Variants in CELF2 observed in about 807,000 individuals in gnomAD.
CELF2 encodes CUGBP Elav-like family member 2.
CELF2 carries 8 observed loss-of-function variants against 62.6 expected under a neutral mutation model. That is an observed-to-expected ratio of 0.13 (90% CI 0.07 to 0.23). CELF2 has a LOEUF of 0.23. Ranked by LOEUF, CELF2 falls within the 10% of genes least tolerant of loss-of-function variation. The pLI, the probability that CELF2 is intolerant of heterozygous loss-of-function variation, is 1.00. For missense variants in CELF2, 333 were observed against 671.0 expected, an observed-to-expected ratio of 0.50 and a Z score of 5.56; for synonymous variants, 258 against 250.0, an observed-to-expected ratio of 1.03 and a Z score of -0.30.
the CELF2 span, among the ~76,000 whole-genome samples, chr10:10,670,778 C>G: frequency 5.3e-5 from 8 of 152,200 alleles, no homozygotes; most frequent in African/African-American, 1.9e-4. Context: ...GACAACCACA[C>G]TAATCTTTTT....
chr10:10,628,504 A>C, the CELF2 span, among the ~76,000 whole-genome samples: 1 of 152,156 alleles, frequency 6.6e-6, no homozygotes. Flanking sequence ...AATCAATTCC[A>C]TGAAACATTA....
chr10:10,838,071 G>C (rs554789834), intron 1 of CELF2, among the ~76,000 whole-genome samples: 6 of 152,200 alleles, frequency 3.9e-5, no homozygotes, highest in African/African-American at 1.4e-4. Context: ...AGTACATTTA[G>C]TGTCACGTTT....
chr10:10,974,507 T>C (rs906394691), intron 2 of CELF2, among the ~76,000 whole-genome samples: 1 of 152,124 alleles, frequency 6.6e-6, no homozygotes, highest in African/African-American at 2.4e-5. Flanking sequence ...TCTTACATAA[T>C]AAAAAATCTA....
chr10:10,923,404 G>A (rs534525600), intron 2 of CELF2, among the ~76,000 whole-genome samples: 13 of 152,148 alleles, frequency 8.5e-5, no homozygotes, highest in African/African-American at 3.1e-4. Flanking sequence ...TATTTCCACC[G>A]TAATTACCTT....
the CELF2 span, among the ~76,000 whole-genome samples, chr10:10,655,509 G>T: frequency 8.0e-6 from 1 of 125,388 alleles, no homozygotes; most frequent in Admixed American, 8.2e-5. Context: ...GCATGGTACT[G>T]GTACCAAAAC....
intron 1 of CELF2, among the ~76,000 whole-genome samples, chr10:11,133,401 G>A (rs545812953): frequency 6.6e-5 from 10 of 152,274 alleles, no homozygotes; most frequent in South Asian, 6.2e-4. Context: ...AGCATATGCC[G>A]TGGGACCAAG....
At chr10:10,922,815 T>C (rs2065047916) in intron 2 of CELF2, 1 of 152,244 alleles carries the variant, frequency 6.6e-6, no homozygotes, top group Admixed American at 6.5e-5. Flanking sequence ...AGAAGTAATA[T>C]ATCAGTGATT....
At chr10:10,543,654 C>T in the CELF2 span, among the ~76,000 whole-genome samples, 1 of 152,066 alleles carries the variant, frequency 6.6e-6, no homozygotes, top group South Asian at 2.1e-4. Context: ...TGAGACCAGC[C>T]TGGGCAACAT....
chr10:10,624,174 C>T, the CELF2 span, among the ~76,000 whole-genome samples: 2,135 of 152,268 alleles, frequency 0.014, 23 homozygotes, highest in South Asian at 0.032. Context: ...CCGTGGCCTC[C>T]GCTTCATTCT....
the CELF2 span, among the ~76,000 whole-genome samples, chr10:10,774,934 A>G: frequency 6.6e-6 from 1 of 150,764 alleles, no homozygotes; most frequent in African/African-American, 2.4e-5. Flanking sequence ...GCTGGAGTGC[A>G]GTGGTGCAAT....
At chr10:10,501,079 A>G in the CELF2 span, among the ~76,000 whole-genome samples, 20 of 152,232 alleles carry the variant, frequency 1.3e-4, no homozygotes, top group African/African-American at 4.6e-4. Flanking sequence ...AGCTGCTATC[A>G]ACATTCCTGT....
chr10:10,825,533 A>G (rs563490150), intron 1 of CELF2, among the ~76,000 whole-genome samples: 2 of 152,330 alleles, frequency 1.3e-5, no homozygotes, highest in African/African-American at 4.8e-5. Flanking sequence ...TTAAGTGTCC[A>G]ATGGTGATAG....
At chr10:10,858,982 G>C (rs570603489) in intron 1 of CELF2, among the ~76,000 whole-genome samples, 1 of 152,234 alleles carries the variant, frequency 6.6e-6, no homozygotes, top group East Asian at 1.9e-4. Flanking sequence ...ATACCCACAA[G>C]TGGTTCAACA....
intron 1 of CELF2, among the ~76,000 whole-genome samples, chr10:10,839,624 G>A (rs183848526): frequency 6.6e-6 from 1 of 152,276 alleles, no homozygotes; most frequent in African/African-American, 2.4e-5. Context: ...TTCCTTCATA[G>A]CCTTTGGTGA....
chr10:11,008,466 G>T lies in CELF2; in HGVS notation c.53+3026G>T, dbSNP rs2055722835. ...TACATTTGCAAAAATCTCCTTTTGGGGCTGAAAAACGAAAGTGAGCATTTG... is the reference window on the plus strand; with the variant it reads ...TACATTTGCAAAAATCTCCTTTTGGTGCTGAAAAACGAAAGTGAGCATTTG... On this transcript the variant is annotated intron_variant, in intron 1 of 12. Transcript: ENST00000416382. The surrounding 1 kb of genome is among the most constrained non-coding windows in gnomAD (Gnocchi z 4.5). 6.6e-6 allele frequency among the ~76,000 whole-genome samples: 1 copy of T among 152,026 alleles called. No individual in the cohort carries two copies. Among genetic ancestry groups the T allele is most frequent in the Non-Finnish European group, 1.5e-5 (1 of 68,008 alleles).
At chr10:10,853,695 C>T (rs925875537) in intron 1 of CELF2, among the ~76,000 whole-genome samples, 1 of 151,900 alleles carries the variant, frequency 6.6e-6, no homozygotes, top group South Asian at 2.1e-4. Context: ...CTCCTGGCCA[C>T]ATGGAGATCT....
At chr10:11,225,183 GAATAAAC>G (rs1309250142) in intron 3 of CELF2, among the ~76,000 whole-genome samples, 1 of 152,128 alleles carries the variant, frequency 6.6e-6, no homozygotes, top group African/African-American at 2.4e-5. Context: ...AGAGATGAAA[GAATAAAC>G]AGTAAACGGT....
chr10:11,078,176 T>G (rs1263696957), intron 1 of CELF2, among the ~76,000 whole-genome samples: 1 of 41,466 alleles, frequency 2.4e-5, no homozygotes, highest in Non-Finnish European at 4.3e-5. Context: ...AGACATTCAG[T>G]CTATTTATAA....
chr10:10,474,681 G>T, the CELF2 span, among the ~76,000 whole-genome samples: 1 of 152,076 alleles, frequency 6.6e-6, no homozygotes, highest in African/African-American at 2.4e-5. Flanking sequence ...TGCTGTGGGG[G>T]TTATTAGTAC....
Sources: gnomAD v4.1 joint callset for allele counts (sites outside exome capture counted in the v4.1 genomes callset) on GRCh38, gnomAD v4.1.1 for gene constraint, Gnocchi (gnomAD v3.1) non-coding constraint, MANE v1.5 for transcripts, NCBI Gene and HGNC (gene_info 2026-07-23, HGNC 2026-07-21) for gene names.